The following PDE1A variants were observed in gnomAD, a reference collection of about 807,000 sequenced individuals.
PDE1A encodes the protein phosphodiesterase 1A.
PDE1A carries 35 observed loss-of-function variants against 61.7 expected under a neutral mutation model. That is an observed-to-expected ratio of 0.57 (90% CI 0.43 to 0.75). The LOEUF (loss-of-function observed/expected upper bound fraction) is 0.75. Ranked by LOEUF, PDE1A falls within the 30% of genes least tolerant of loss-of-function variation. The pLI is 0.00. For synonymous variants in PDE1A, 232 were observed against 213.2 expected (o/e 1.09, Z -0.77); for missense variants, 597 against 630.6 (o/e 0.95, Z 0.57).
intron 13 of PDE1A, among the ~76,000 whole-genome samples, chr2:182,160,916 A>G (rs1691343111): frequency 6.6e-6 from 1 of 152,180 alleles, no homozygotes; most frequent in Non-Finnish European, 1.5e-5. Context: ...AACTGACTTT[A>G]TAATCTGATT....
chr2:182,240,029 A>G, intron 3 of PDE1A, 81 bp downstream of exon 3: 6 of 1,223,062 alleles, frequency 4.9e-6, no homozygotes, highest in Non-Finnish European at 6.8e-6. Flanking sequence ...TGAAATATAG[A>G]CTGCTCATAC....
chr2:182,163,681 C>A (rs1456527276), downstream of PDE1A, among the ~76,000 whole-genome samples: 1 of 152,110 alleles, frequency 6.6e-6, no homozygotes, highest in Admixed American at 6.6e-5. Flanking sequence ...AAGCACAATT[C>A]CTAGTGGACC....
At chr2:182,650,231 T>C in the PDE1A span, among the ~76,000 whole-genome samples, 3 of 152,154 alleles carry the variant, frequency 2.0e-5, no homozygotes, top group South Asian at 2.1e-4. Flanking sequence ...AACGCAAGTA[T>C]TGTTTAGTAT....
chr2:182,370,801 A>G (rs1268526429), intron 1 of PDE1A, among the ~76,000 whole-genome samples: 1 of 152,176 alleles, frequency 6.6e-6, no homozygotes, highest in African/African-American at 2.4e-5. Flanking sequence ...GTGCTGTTGA[A>G]ACAGAAAAGT....
intron 1 of PDE1A, among the ~76,000 whole-genome samples, chr2:182,340,436 G>A (rs1405794305): frequency 6.6e-6 from 1 of 152,076 alleles, no homozygotes; most frequent in Non-Finnish European, 1.5e-5. Context: ...TTTCTCATGT[G>A]GCATTAAACT....
intron 2 of PDE1A, among the ~76,000 whole-genome samples, chr2:182,506,880 A>G (rs1024094589): frequency 4.6e-5 from 7 of 152,330 alleles, no homozygotes; most frequent in East Asian, 3.9e-4. Flanking sequence ...TTATGCAACT[A>G]TGCAGTTTCC....
intron 1 of PDE1A, among the ~76,000 whole-genome samples, chr2:182,281,612 A>G (rs1222698553): frequency 2.6e-5 from 4 of 152,006 alleles, no homozygotes; most frequent in Admixed American, 2.6e-4. Flanking sequence ...TATGTACACC[A>G]TATTCAACAC....
At chr2:182,612,390 CAT>C in the PDE1A span, among the ~76,000 whole-genome samples, 1 of 152,172 alleles carries the variant, frequency 6.6e-6, no homozygotes, top group Non-Finnish European at 1.5e-5. Flanking sequence ...ACCTAATTCT[CAT>C]ATATCCAGCA....
intron 2 of PDE1A, among the ~76,000 whole-genome samples, chr2:182,515,987 T>C (rs1184634128): frequency 1.3e-5 from 2 of 148,778 alleles, no homozygotes; most frequent in Non-Finnish European, 3.0e-5. Context: ...TGTGTGTGTG[T>C]GTGTGTGTGT....
chr2:182,201,856 T>C, intron 8 of PDE1A, 67 bp from the exon 9 acceptor site: 1 of 920,952 alleles, frequency 1.1e-6, no homozygotes, highest in Non-Finnish European at 1.7e-6. Flanking sequence ...AACACTTCAA[T>C]AAATAATCAC....
the PDE1A span, among the ~76,000 whole-genome samples, chr2:182,551,213 A>G: frequency 3.3e-5 from 5 of 152,154 alleles, no homozygotes; most frequent in Non-Finnish European, 7.3e-5. Context: ...TAAAAGGGAG[A>G]GGTATCTTTT....
At chr2:182,349,872 G>C (rs879733797) in intron 1 of PDE1A, among the ~76,000 whole-genome samples, 3 of 152,114 alleles carry the variant, frequency 2.0e-5, no homozygotes, top group Non-Finnish European at 4.4e-5. Context: ...GCAGTGAATA[G>C]AAGAATGCAA....
At position 182,467,019 on chromosome 2, in the gene PDE1A, C is replaced by T. The variant is rs567742272; in HGVS notation, c.101+55257G>A. 2.6e-5 allele frequency among the ~76,000 whole-genome samples: 4 copies of T among 151,296 alleles called. No individual in the cohort carries two copies. The East Asian group carries it at 7.8e-4, about 30-fold the overall frequency. ...TAGGCTCACCAGACTAAAAAGGCAG[C>T]TAGAGATTAAAGTGTATGCATAGCT... On this transcript the variant is annotated intron_variant, in intron 2 of 14. Coordinates refer to the PDE1A transcript ENST00000410103.
At chr2:182,569,841 C>G in the PDE1A span, among the ~76,000 whole-genome samples, 3 of 152,200 alleles carry the variant, frequency 2.0e-5, no homozygotes, top group Admixed American at 2.0e-4. Context: ...TAAAAACCTT[C>G]TTTCGATACT....
At chr2:182,547,157 A>G in the PDE1A span, among the ~76,000 whole-genome samples, 4 of 152,256 alleles carry the variant, frequency 2.6e-5, no homozygotes, top group African/African-American at 9.6e-5. Context: ...CTTCATTAAC[A>G]GCCCTAGTTA....
At chr2:182,229,891 A>T in intron 6 of PDE1A, 115 bp downstream of exon 6, 5 of 633,550 alleles carry the variant, frequency 7.9e-6, no homozygotes, top group Non-Finnish European at 1.3e-5. Flanking sequence ...TATTCTTTAT[A>T]ATACTTATTA....
chr2:182,219,925 TAAC>T (rs758357479), intron 7 of PDE1A, among the ~76,000 whole-genome samples: 9 of 152,206 alleles, frequency 5.9e-5, no homozygotes, highest in South Asian at 2.1e-4. Context: ...AACTATTTAA[TAAC>T]AACAGAGAAA....
intron 2 of PDE1A, among the ~76,000 whole-genome samples, chr2:182,519,348 C>A (rs926642126): frequency 6.6e-6 from 1 of 151,984 alleles, no homozygotes; most frequent in African/African-American, 2.4e-5. Context: ...TTTCCACCAT[C>A]ATAGATGATG....
intron 1 of PDE1A, among the ~76,000 whole-genome samples, chr2:182,317,838 TAGAA>T (rs1191077705): frequency 5.9e-5 from 9 of 152,082 alleles, no homozygotes; most frequent in Non-Finnish European, 8.8e-5. Context: ...GAGCAAGAGT[TAGAA>T]GGAGAAGGGA....
Sources: gnomAD v4.1 joint callset for allele counts (sites outside exome capture counted in the v4.1 genomes callset) on GRCh38, gnomAD v4.1.1 for gene constraint, MANE v1.5 for transcripts, NCBI Gene and HGNC (gene_info 2026-07-23, HGNC 2026-07-21) for gene names.